Variants in GRID2 observed in about 807,000 individuals in gnomAD.
GRID2 encodes the protein glutamate ionotropic receptor delta type subunit 2, also known as glutamate receptor ionotropic, delta-2.
GRID2 carries 33 observed loss-of-function variants against 114.8 expected under a neutral mutation model. That is an observed-to-expected ratio of 0.29 (90% confidence interval 0.22 to 0.38). The LOEUF is 0.38. GRID2 is among the 10% of genes least tolerant of loss of function. GRID2 has a pLI of 1.00. For missense variants in GRID2, 1,184 were observed against 1,257.7 expected (o/e 0.94, Z 0.89); for synonymous variants, 505 against 449.9 (o/e 1.12, Z -1.55).
chr4:93,324,450 G>A (rs1209929211), intron 8 of GRID2, among the ~76,000 whole-genome samples: 1 of 152,148 alleles, frequency 6.6e-6, no homozygotes, highest in Non-Finnish European at 1.5e-5. Context: ...GTATTTTATT[G>A]AGGATTTTCA....
intron 8 of GRID2, among the ~76,000 whole-genome samples, chr4:93,318,315 G>A (rs1378925227): frequency 6.6e-6 from 1 of 151,788 alleles, no homozygotes; most frequent in African/African-American, 2.4e-5. Flanking sequence ...ATGGAATAAT[G>A]ATAGATAATC....
chr4:92,775,934 C>G (rs1484859742), intron 2 of GRID2, among the ~76,000 whole-genome samples: 1 of 152,080 alleles, frequency 6.6e-6, no homozygotes, highest in Non-Finnish European at 1.5e-5. Flanking sequence ...TTAATGCATA[C>G]ACTATGTTTA....
At chr4:92,787,151 T>G (rs532936668) in intron 2 of GRID2, among the ~76,000 whole-genome samples, 3 of 152,016 alleles carry the variant, frequency 2.0e-5, no homozygotes, top group Non-Finnish European at 4.4e-5. Context: ...TTAGAATACA[T>G]GTGTTGAGCC....
chr4:92,711,549 T>C (rs144768328), intron 2 of GRID2, among the ~76,000 whole-genome samples: 321 of 150,068 alleles, frequency 2.1e-3, no homozygotes, highest in African/African-American at 7.4e-3. Flanking sequence ...TTTCCTCAAA[T>C]CCTTCTCACA....
At chr4:93,726,986 C>T (rs1729971381) in intron 14 of GRID2, among the ~76,000 whole-genome samples, 1 of 152,148 alleles carries the variant, frequency 6.6e-6, no homozygotes, top group Non-Finnish European at 1.5e-5. Flanking sequence ...TTTCCTTCTC[C>T]TGCCTGATTG....
chr4:93,678,431 A>T lies in GRID2; in HGVS notation c.2360+51996A>T, dbSNP rs532637787. Among the ~76,000 whole-genome samples the T allele has an allele frequency of 2.6e-5, 4 of 152,112 alleles. No individual in the cohort carries two copies. The South Asian group carries it at 8.3e-4, about 32-fold the overall frequency. On this transcript the variant is annotated intron_variant, in intron 14 of 15. Coordinates refer to ENST00000282020, the MANE Select transcript of GRID2 (RefSeq NM_001510.4). ...AGATTCAGGAAATACAGAGAATGCCACAAAGCTACTCCTCGAGAAGAGCAA... is the reference window on the plus strand; with the variant it reads ...AGATTCAGGAAATACAGAGAATGCCTCAAAGCTACTCCTCGAGAAGAGCAA...
At chr4:93,583,807 A>G (rs1737241357) in intron 13 of GRID2, among the ~76,000 whole-genome samples, 1 of 152,152 alleles carries the variant, frequency 6.6e-6, no homozygotes, top group African/African-American at 2.4e-5. Flanking sequence ...AAGCTTATAC[A>G]CTAGCAATTG....
At position 92,403,065 on chromosome 4, in the gene GRID2, C is replaced by T. The variant is rs146042380; in HGVS notation, c.88+98321C>T. On this transcript the variant is annotated intron_variant, in intron 1 of 15. Transcript: ENST00000282020. The stretch of plus-strand genomic sequence containing the variant: ...TTCTATCTTAATGCTTATGAACCAG[C>T]CTCTACTGGTTTCCAACTTTTCTTC... 9.2e-3 allele frequency among the ~76,000 whole-genome samples: 1,403 copies of T among 152,256 alleles called. 13 individuals are homozygous for T. Among genetic ancestry groups the T allele is most frequent in the Non-Finnish European group, 0.015 (1,036 of 68,012 alleles).
chr4:93,364,553 C>A (rs114762214), intron 8 of GRID2, among the ~76,000 whole-genome samples: 2 of 152,126 alleles, frequency 1.3e-5, no homozygotes, highest in East Asian at 3.9e-4. Context: ...CTCACCGTAA[C>A]GTTCAACTCC....
At chr4:93,644,175 G>A (rs921408108) in intron 14 of GRID2, among the ~76,000 whole-genome samples, 2 of 88,510 alleles carry the variant, frequency 2.3e-5, no homozygotes, top group Non-Finnish European at 4.3e-5. Flanking sequence ...TTCGGCTCGC[G>A]CACGGTGCGC....
At chr4:93,271,345 G>T (rs899354153) in intron 8 of GRID2, among the ~76,000 whole-genome samples, 3 of 152,126 alleles carry the variant, frequency 2.0e-5, no homozygotes, top group African/African-American at 7.2e-5. Context: ...TCCAGAGAAC[G>T]CATGAAAGTT....
chr4:92,731,924 G>A lies in GRID2; in HGVS notation c.244+141638G>A, dbSNP rs1736346962. ...AAATCATAGGGCATGGGTAGTAGTGGAATTGCATTTTTTAAATTACCTATA... is the reference window on the plus strand; with the variant it reads ...AAATCATAGGGCATGGGTAGTAGTGAAATTGCATTTTTTAAATTACCTATA... On this transcript the variant is annotated intron_variant, in intron 2 of 15. Transcript: ENST00000282020. 2.6e-5 allele frequency among the ~76,000 whole-genome samples: 4 copies of A among 151,878 alleles called. No homozygotes were observed. In the South Asian group the frequency reaches 8.3e-4, roughly 31 times the overall value.
intron 13 of GRID2, among the ~76,000 whole-genome samples, chr4:93,545,556 A>T (rs1733132369): frequency 6.6e-6 from 1 of 152,208 alleles, no homozygotes. Flanking sequence ...AATCTTATCC[A>T]AAGGAATTGG....
chr4:93,608,383 C>T, intron 13 of GRID2, among the ~76,000 whole-genome samples: 1 of 134,964 alleles, frequency 7.4e-6, no homozygotes, highest in Non-Finnish European at 1.6e-5. Flanking sequence ...CATAGGTATA[C>T]ATGTGCCATG....
At chr4:93,608,806 T>C (rs972787872) in intron 13 of GRID2, among the ~76,000 whole-genome samples, 1 of 136,706 alleles carries the variant, frequency 7.3e-6, no homozygotes, top group African/African-American at 2.7e-5. Flanking sequence ...GCATGATTTA[T>C]AGTCATTTGG....
chr4:92,935,911 G>A (rs1750637419), intron 2 of GRID2, among the ~76,000 whole-genome samples: 1 of 145,474 alleles, frequency 6.9e-6, no homozygotes, highest in Non-Finnish European at 1.5e-5. Context: ...GGGAGGGATA[G>A]CATTAAGAGA....
intron 2 of GRID2, among the ~76,000 whole-genome samples, chr4:92,931,256 T>C (rs1329963591): frequency 6.6e-6 from 1 of 150,892 alleles, no homozygotes; most frequent in East Asian, 1.9e-4. Flanking sequence ...AATAACTTAA[T>C]AGGCATTAAA....
At chr4:92,370,705 A>T (rs1227566422) in intron 1 of GRID2, among the ~76,000 whole-genome samples, 1 of 152,178 alleles carries the variant, frequency 6.6e-6, no homozygotes, top group African/African-American at 2.4e-5. Context: ...AAAGAGAGTA[A>T]GCTTAGTGAG....
chr4:92,490,353 A>G (rs1041803524), intron 1 of GRID2, among the ~76,000 whole-genome samples: 1 of 152,198 alleles, frequency 6.6e-6, no homozygotes, highest in African/African-American at 2.4e-5. Flanking sequence ...AAAACCTGGA[A>G]TGCCAGTTTT....
Sources: gnomAD v4.1 joint callset for allele counts (sites outside exome capture counted in the v4.1 genomes callset) on GRCh38, gnomAD v4.1.1 for gene constraint, MANE v1.5 for transcripts, NCBI Gene and HGNC (gene_info 2026-07-23, HGNC 2026-07-21) for gene names.